The following MLANA variants were observed in gnomAD, a reference collection of about 807,000 sequenced individuals.
MLANA encodes melanoma antigen recognized by T-cells 1.
MLANA carries 21 observed loss-of-function variants against 15.7 expected under a neutral mutation model. The ratio of observed to expected loss-of-function variants is 1.33; its 90% CI spans 0.95 to 1.92. The LOEUF (loss-of-function observed/expected upper bound fraction) is 1.92, where lower values mean the gene tolerates loss of function less well. Ranked by LOEUF, MLANA falls within the 40% of genes most tolerant of loss-of-function variation. MLANA has a pLI of 0.00. For missense variants in MLANA, 164 were observed against 143.8 expected, an observed-to-expected ratio of 1.14 and a Z score of -0.72; for synonymous variants, 56 against 51.5, an observed-to-expected ratio of 1.09 and a Z score of -0.37.
At chr9:5,902,629 C>T (rs1832511872) in intron 3 of MLANA, among the ~76,000 whole-genome samples, 1 of 151,586 alleles carries the variant, frequency 6.6e-6, no homozygotes, top group Admixed American at 6.6e-5. Flanking sequence ...ACCATAGTAG[C>T]TAGGATTATA....
At chr9:5,893,253 T>C (rs1460240477) in intron 2 of MLANA, among the ~76,000 whole-genome samples, 1 of 152,150 alleles carries the variant, frequency 6.6e-6, no homozygotes, top group East Asian at 1.9e-4. Flanking sequence ...ATACTCTGTA[T>C]GTGCTGGGAG....
intron 3 of MLANA, among the ~76,000 whole-genome samples, chr9:5,897,868 A>G (rs947620598): frequency 1.3e-5 from 2 of 152,196 alleles, no homozygotes; most frequent in African/African-American, 4.8e-5. Context: ...CCTGTGTCTT[A>G]GTCTGTGATT....
chr9:5,892,368 G>A (rs1168613207), intron 1 of MLANA, 82 bp from the exon 2 acceptor site: 2 of 932,838 alleles, frequency 2.1e-6, no homozygotes, highest in Middle Eastern at 2.3e-4. Context: ...CACCTAGTGA[G>A]GATGCTGTTG....
intron 3 of MLANA, among the ~76,000 whole-genome samples, chr9:5,903,060 C>G (rs1051999630): frequency 6.6e-6 from 1 of 152,146 alleles, no homozygotes; most frequent in Non-Finnish European, 1.5e-5. Flanking sequence ...ATTTAAATTT[C>G]TCCTGAGATT....
intron 3 of MLANA, among the ~76,000 whole-genome samples, chr9:5,904,368 GTTCT>G (rs1316048452): frequency 6.6e-6 from 1 of 151,374 alleles, no homozygotes; most frequent in African/African-American, 2.4e-5. Context: ...TGTTGCCTCT[GTTCT>G]TTGTTTCTAT....
intron 3 of MLANA, among the ~76,000 whole-genome samples, chr9:5,903,645 C>G (rs192115397): frequency 2.8e-4 from 43 of 152,250 alleles, no homozygotes; most frequent in Admixed American, 2.0e-3. Flanking sequence ...CCTTGCAGTT[C>G]TATCAGTTTT....
rs371000952 is a variant in MLANA, at chr9:5,897,561, G to A, written c.82G>A (p.Ala28Thr). The A allele has an allele frequency of 3.2e-5, 51 of 1,613,862 alleles. No individual in the cohort carries two copies. The highest frequency in any genetic ancestry group is 3.9e-5 in the Non-Finnish European group (46 of 1,179,818). The change falls in exon 3 of 5, where the codon GCT (alanine) becomes ACT (threonine). Residue 28 changes from alanine to threonine, a missense_variant. Transcript: ENST00000381477. Reference protein sequence around the residue: ...GHSYTTAEEAAGIGILTVILG... With the variant: ...GHSYTTAEEATGIGILTVILG... ...TTTGTCTATCTCTTGGGCCAGGGCC[G>A]CTGGGATCGGCATCCTGACAGTGAT...
chr9:5,894,247 T>G lies in MLANA; in HGVS notation c.77+1696T>G, dbSNP rs1831859007. ...CCAGCTGGGGAACCTCATAGCCAGG[T>G]GTACCCACAACCTGAACAAGGTAAC... On this transcript the variant is annotated intron_variant, in intron 2 of 4. Coordinates refer to ENST00000381477, the MANE Select transcript of MLANA (RefSeq NM_005511.2). This position sits in a 1 kb window ranked among gnomAD's most constrained non-coding sequence, Gnocchi z 4.0. Among the ~76,000 whole-genome samples, 1 of 152,080 alleles carries G rather than the reference T, an allele frequency of 6.6e-6. No homozygotes were observed. Among genetic ancestry groups the G allele is most frequent in the South Asian group, 2.1e-4 (1 of 4,822 alleles).
intron 3 of MLANA, among the ~76,000 whole-genome samples, chr9:5,904,525 T>G (rs1296836592): frequency 6.6e-6 from 1 of 152,220 alleles, no homozygotes; most frequent in Non-Finnish European, 1.5e-5. Flanking sequence ...CAGGCTGGAG[T>G]GCAGTGGCAC....
At chr9:5,891,333 G>T (rs1246544595) in intron 1 of MLANA, 3 of 152,326 alleles carry the variant, frequency 2.0e-5, no homozygotes, top group African/African-American at 7.2e-5. Flanking sequence ...ATTTAATGAA[G>T]AATTAAGATT....
At chr9:5,892,048 A>T (rs2244053) in intron 1 of MLANA, among the ~76,000 whole-genome samples, 141,650 of 152,330 alleles carry the variant, frequency 0.93, 66,265 homozygotes, top group Non-Finnish European at 0.99. Flanking sequence ...TAACTCCTCT[A>T]ATTTTGTTAG....
chr9:5,893,525 C>A (rs1831794658), intron 2 of MLANA, among the ~76,000 whole-genome samples: 2 of 152,132 alleles, frequency 1.3e-5, no homozygotes, highest in Admixed American at 6.6e-5. Flanking sequence ...GTATAGGATC[C>A]TCTAATATCC....
intron 3 of MLANA, among the ~76,000 whole-genome samples, chr9:5,900,907 C>T (rs556934835): frequency 5.3e-5 from 6 of 112,978 alleles, no homozygotes; most frequent in Non-Finnish European, 1.0e-4. Context: ...GCTCAGTTTA[C>T]ACTCATGTGT....
At chr9:5,905,201 C>A (rs889953909) in intron 3 of MLANA, among the ~76,000 whole-genome samples, 2 of 152,166 alleles carry the variant, frequency 1.3e-5, no homozygotes, top group African/African-American at 4.8e-5. Context: ...TTAAAATAAT[C>A]CTAATTCCTT....
intron 3 of MLANA, among the ~76,000 whole-genome samples, chr9:5,900,743 A>T (rs1454568239): frequency 6.6e-6 from 1 of 152,230 alleles, no homozygotes; most frequent in Non-Finnish European, 1.5e-5. Context: ...CATCTTTTGA[A>T]AGGAAAGGCT....
chr9:5,898,605 C>T (rs569678388), intron 3 of MLANA, among the ~76,000 whole-genome samples: 50 of 152,232 alleles, frequency 3.3e-4, no homozygotes, highest in African/African-American at 9.4e-4. Context: ...TAAGCACTGA[C>T]GGTTTATAGG....
At chr9:5,891,195 C>T (rs569916694) in intron 1 of MLANA, 8 of 152,342 alleles carry the variant, frequency 5.3e-5, no homozygotes, top group African/African-American at 1.4e-4. Context: ...AGCAGCCTCC[C>T]TGAGGTAGAT....
At chr9:5,900,240 C>A (rs1832325452) in intron 3 of MLANA, among the ~76,000 whole-genome samples, 1 of 152,152 alleles carries the variant, frequency 6.6e-6, no homozygotes, top group Non-Finnish European at 1.5e-5. Context: ...GAACATTTTG[C>A]TTGGTAAGTT....
At chr9:5,908,529 A>G (rs944155272) in intron 4 of MLANA, 111 bp from the exon 5 acceptor site, 1 of 952,278 alleles carries the variant, frequency 1.1e-6, no homozygotes, top group East Asian at 2.4e-5. Context: ...AACACTTAGA[A>G]ATTTCAGTCC....
Sources: allele counts gnomAD v4.1 joint callset (sites outside exome capture counted in the v4.1 genomes callset), GRCh38; gene constraint gnomAD v4.1.1; non-coding constraint Gnocchi (gnomAD v3.1); transcripts MANE v1.5; gene names NCBI Gene and HGNC (gene_info 2026-07-23, HGNC 2026-07-21).